Variants in ARID1B observed in about 807,000 individuals in gnomAD.
ARID1B encodes the protein AT-rich interaction domain 1B, also known as AT-rich interactive domain-containing protein 1B.
In ARID1B, 30 loss-of-function variants were observed where a neutral mutation model predicts 212.3. That is an observed-to-expected ratio of 0.14 (90% CI 0.11 to 0.19). The LOEUF is 0.19. ARID1B is among the 10% of genes least tolerant of loss of function. The pLI, the probability that ARID1B is intolerant of heterozygous loss-of-function variation, is 1.00. For missense variants in ARID1B, 2,891 were observed against 3,204.0 expected (o/e 0.90, Z 2.36); for synonymous variants, 1,402 against 1,301.7 (o/e 1.08, Z -1.66).
chr6:157,127,402 A>T (rs2128567697), intron 6 of ARID1B, among the ~76,000 whole-genome samples: 1 of 152,196 alleles, frequency 6.6e-6, no homozygotes, highest in South Asian at 2.1e-4. Context: ...CACACCTGTA[A>T]TCCCAGCATT....
intron 4 of ARID1B, among the ~76,000 whole-genome samples, chr6:157,057,893 G>C (rs750443507): frequency 1.3e-5 from 2 of 152,136 alleles, no homozygotes; most frequent in Non-Finnish European, 2.9e-5. Flanking sequence ...ACATTGAGTG[G>C]TTTTCTGATA....
intron 2 of ARID1B, among the ~76,000 whole-genome samples, chr6:156,861,372 C>T (rs944563816): frequency 5.3e-5 from 8 of 151,986 alleles, no homozygotes; most frequent in Non-Finnish European, 8.8e-5. Flanking sequence ...AGGCTGATGC[C>T]GGTGAATTGC....
At chr6:156,961,426 G>A (rs535460994) in intron 4 of ARID1B, among the ~76,000 whole-genome samples, 5 of 152,312 alleles carry the variant, frequency 3.3e-5, no homozygotes, top group South Asian at 4.1e-4. Context: ...TGCCTCTTCC[G>A]GGCAGTGCTG....
At chr6:156,827,615 A>G (rs537928453) in intron 1 of ARID1B, among the ~76,000 whole-genome samples, 1 of 152,146 alleles carries the variant, frequency 6.6e-6, no homozygotes, top group Admixed American at 6.5e-5. Context: ...GTGGATCCAG[A>G]TGGTTTTTAT....
chr6:157,063,344 G>A (rs1783470400), intron 4 of ARID1B, among the ~76,000 whole-genome samples: 1 of 152,112 alleles, frequency 6.6e-6, no homozygotes, highest in African/African-American at 2.4e-5. Context: ...CACCTTAAGA[G>A]GCAGGTGCTC....
In ARID1B at chr6:157,198,915, G is replaced by T; in HGVS notation, c.4479+8G>T. ...CTGTACCCACAGCAGCCGGTGAGTT[G>T]GCAAGTGGGCGTGGGGTGCTGTGTT... is the stretch of plus-strand genomic sequence containing the variant. On this transcript the variant is annotated splice_region_variant and intron_variant, in intron 17 of 19. Transcript: ENST00000636930. 1 of 1,591,574 alleles carries T rather than the reference G, an allele frequency of 6.3e-7. No individual in the cohort carries two copies. Among genetic ancestry groups the T allele is most frequent in the Non-Finnish European group, 8.6e-7 (1 of 1,166,284 alleles).
At chr6:157,123,247 C>CCCCCCCCCCA (rs1554299918) in intron 6 of ARID1B, among the ~76,000 whole-genome samples, 1 of 111,766 alleles carries the variant, frequency 8.9e-6, no homozygotes, top group Non-Finnish European at 1.8e-5. Flanking sequence ...CGCCCCCCCC[C>CCCCCCCCCCA]CACACACACA....
chr6:156,823,691 T>TG (rs1399791569), intron 1 of ARID1B, among the ~76,000 whole-genome samples: 1 of 102,352 alleles, frequency 9.8e-6, no homozygotes, highest in Admixed American at 8.8e-5. Context: ...CTTTGTTGTT[T>TG]TTTTTTTTTT....
rs577139205 is a variant in ARID1B, at chr6:156,834,049, A to G, written c.1986+4628A>G. Among the ~76,000 whole-genome samples, 6 of 152,310 alleles carry G rather than the reference A, an allele frequency of 3.9e-5. No homozygotes were observed. In the South Asian group the frequency reaches 1.2e-3, roughly 32 times the overall value. ...CCACCTGTGTTAATTTATATTGTTG[A>G]TCTATTCTGGAAAAAAATGTGTTTC... On this transcript the variant is annotated intron_variant, in intron 2 of 19. Coordinates refer to ENST00000636930, the MANE Select transcript of ARID1B (RefSeq NM_001374828.1).
At chr6:157,158,018 T>G (rs559883024) in intron 8 of ARID1B, among the ~76,000 whole-genome samples, 2 of 152,350 alleles carry the variant, frequency 1.3e-5, no homozygotes, top group Admixed American at 1.3e-4. Flanking sequence ...AGTAAGACCC[T>G]GTCTCTTAAA....
chr6:156,851,637 G>A (rs773764707), intron 2 of ARID1B, among the ~76,000 whole-genome samples: 3 of 152,210 alleles, frequency 2.0e-5, no homozygotes, highest in Admixed American at 1.3e-4. Context: ...CCTGCCCAAC[G>A]TAACATGGAA....
chr6:156,949,381 A>C lies in ARID1B; in HGVS notation c.2247+13805A>C, dbSNP rs74363443. On this transcript the variant is annotated intron_variant, in intron 4 of 19. Coordinates refer to ENST00000636930, the MANE Select transcript of ARID1B (RefSeq NM_001374828.1). The stretch of plus-strand genomic sequence containing the variant: ...TCCACCTAGAGTACTTTGCACATAC[A>C]TGAGATCTAAGGTTCATAAACCACT... 7.3e-3 allele frequency among the ~76,000 whole-genome samples: 1,112 copies of C among 152,300 alleles called. 13 individuals carry two copies. The highest frequency in any genetic ancestry group is 0.025 in the African/African-American group (1,049 of 41,546).
intron 2 of ARID1B, among the ~76,000 whole-genome samples, chr6:156,877,118 CTTA>C (rs1786626944): frequency 6.6e-6 from 1 of 152,158 alleles, no homozygotes. Context: ...TTAGCAACCA[CTTA>C]TTATTTATTC....
At chr6:156,812,936 GT>G (rs1562403906) in intron 1 of ARID1B, among the ~76,000 whole-genome samples, 44 of 34,332 alleles carry the variant, frequency 1.3e-3, no homozygotes, top group African/African-American at 3.8e-3. Flanking sequence ...AATCCTGGGT[GT>G]GTGTGTGTGT....
intron 5 of ARID1B, among the ~76,000 whole-genome samples, chr6:157,093,544 A>G (rs1218628671): frequency 6.6e-6 from 1 of 152,242 alleles, no homozygotes; most frequent in Non-Finnish European, 1.5e-5. Flanking sequence ...GAATGCCTTC[A>G]CTAATCCTAA....
rs369644857 is a variant in ARID1B at position 156,935,446 on chromosome 6, G to C, written c.2137-20G>C. 1.3e-6 allele frequency: 2 copies of C among 1,567,634 alleles called. No homozygotes were observed. The highest frequency in any genetic ancestry group is 1.8e-6 in the Non-Finnish European group (2 of 1,141,178). On this transcript the variant is annotated intron_variant, in intron 3 of 19. Coordinates refer to ENST00000636930, the MANE Select transcript of ARID1B (RefSeq NM_001374828.1). ...CATTGAGATATTTATGAAGTGCTTT[G>C]TGTTTGTGTTTTTTTTTAGGACATG...
At chr6:156,896,702 A>AAC (rs1788424733) in intron 2 of ARID1B, among the ~76,000 whole-genome samples, 1 of 151,960 alleles carries the variant, frequency 6.6e-6, no homozygotes, top group Admixed American at 6.6e-5. Context: ...TACATGGTGA[A>AAC]ACCCCGTCTC....
At chr6:156,837,281 A>C (rs1562423540) in intron 2 of ARID1B, among the ~76,000 whole-genome samples, 2 of 152,238 alleles carry the variant, frequency 1.3e-5, no homozygotes, top group African/African-American at 4.8e-5. Context: ...ACATTCTTGG[A>C]ATCACAAAAG....
intron 15 of ARID1B, chr6:157,194,304 C>T (rs1793574996): frequency 1.3e-5 from 2 of 152,114 alleles, no homozygotes; most frequent in African/African-American, 4.8e-5. Context: ...CTGGTTCTAC[C>T]ACAGGTTGAT....
Sources: gnomAD v4.1 joint callset for allele counts (sites outside exome capture counted in the v4.1 genomes callset) on GRCh38, gnomAD v4.1.1 for gene constraint, MANE v1.5 for transcripts, NCBI Gene and HGNC (gene_info 2026-07-23, HGNC 2026-07-21) for gene names.